The following PCDHA8 variants were observed in gnomAD, a reference collection of about 807,000 sequenced individuals.
PCDHA8 encodes protocadherin alpha 8.
PCDHA8 carries 53 observed loss-of-function variants against 61.8 expected under a neutral mutation model. The ratio of observed to expected loss-of-function variants is 0.86; its 90% CI spans 0.69 to 1.08. The LOEUF (loss-of-function observed/expected upper bound fraction) is 1.08, where lower values mean the gene tolerates loss of function less well. PCDHA8 is among the 50% of genes least tolerant of loss of function. The pLI is 0.00. For synonymous variants in PCDHA8, 618 were observed against 556.6 expected (o/e 1.11, Z -1.55); for missense variants, 1,293 against 1,245.0 (o/e 1.04, Z -0.58).
At chr5:140,871,840 C>G (rs1214510248) in intron 1 of PCDHA8, among the ~76,000 whole-genome samples, 1 of 152,256 alleles carries the variant, frequency 6.6e-6, no homozygotes, top group Admixed American at 6.5e-5. Context: ...CTCTAAACTT[C>G]AATTATGACC....
Position 141,009,658 on chromosome 5 carries a change from C to T in PCDHA8, c.2574C>T (p.Val858=), listed in dbSNP as rs571898721. The T allele has an allele frequency of 6.2e-6, 10 of 1,613,948 alleles. No individual in the cohort carries two copies. Among genetic ancestry groups the T allele is most frequent in the South Asian group, 4.4e-5 (4 of 91,030 alleles). The change falls in exon 4 of 4, where the codon GTC becomes GTT. Residue 858 remains valine, a synonymous_variant. Transcript: ENST00000531613. ...EPEAGEVSPP[V]GAGVNSNSWT... ...AGGCAGGAGAAGTGTCCCCTCCAGT[C>T]GGTGCGGGTGTCAACAGCAACAGCT...
In PCDHA8 at chr5:140,870,260, G is replaced by T. The variant is rs782261095; in HGVS notation, c.2394+26545G>T. The T allele has an allele frequency of 2.0e-5, 32 of 1,614,082 alleles. No individual in the cohort carries two copies. The highest frequency in any genetic ancestry group is 3.3e-4 in the Middle Eastern group (2 of 6,082). On this transcript the variant is annotated intron_variant, in intron 1 of 3. Coordinates refer to ENST00000531613, the MANE Select transcript of PCDHA8 (RefSeq NM_018911.3). ...TCAGGTGTCAACGGACAGGTGACCT[G>T]CTCGCTGACGCCCCACGTTCCCTTC...
chr5:140,905,011 T>A (rs551000720), intron 1 of PCDHA8, among the ~76,000 whole-genome samples: 44 of 152,296 alleles, frequency 2.9e-4, no homozygotes, highest in African/African-American at 1.0e-3. Context: ...CTTTGCTAAT[T>A]CTTTTCTATG....
At chr5:140,979,083 C>T (rs563728648) in intron 2 of PCDHA8, 76 bp downstream of exon 2, 207 of 1,562,578 alleles carry the variant, frequency 1.3e-4, no homozygotes, top group Admixed American at 6.5e-4. Context: ...TCTCCATAGG[C>T]CAGAAGCAGC....
At position 140,951,559 on chromosome 5, in the gene PCDHA8, G is replaced by A. The variant is rs545470803; in HGVS notation, c.2395-27390G>A. On this transcript the variant is annotated intron_variant, in intron 1 of 3. Transcript: ENST00000531613. ...AGCAAGGGACGGGGGGAAGTGCTAC[G>A]CACTTTTAAACAACCAGATTTCACG... 1.6e-4 allele frequency among the ~76,000 whole-genome samples: 25 copies of A among 152,040 alleles called. No individual in the cohort carries two copies. The South Asian group carries it at 5.2e-3, about 32-fold the overall frequency.
At chr5:140,928,471 G>T in intron 1 of PCDHA8, 1 of 1,614,148 alleles carries the variant, frequency 6.2e-7, no homozygotes, top group Non-Finnish European at 8.5e-7. Context: ...CCAAGTAGAA[G>T]GCCGGGATGG....
At chr5:140,943,070 A>G (rs2093413648) in intron 1 of PCDHA8, among the ~76,000 whole-genome samples, 2 of 152,004 alleles carry the variant, frequency 1.3e-5, no homozygotes, top group Non-Finnish European at 2.9e-5. Context: ...CAGCCTGACC[A>G]ACATGGTGAA....
At chr5:140,939,768 G>A (rs1241071492) in intron 1 of PCDHA8, among the ~76,000 whole-genome samples, 1 of 152,162 alleles carries the variant, frequency 6.6e-6, no homozygotes, top group Non-Finnish European at 1.5e-5. Context: ...TAGTATTTCA[G>A]GGTGTGAATG....
rs75101825 is a variant in PCDHA8, at chr5:140,914,430, C to A, written c.2395-64519C>A. On this transcript the variant is annotated intron_variant, in intron 1 of 3. Coordinates refer to ENST00000531613, the MANE Select transcript of PCDHA8 (RefSeq NM_018911.3). ...TTTTGTTTCCATTAGCAAGGAATAT[C>A]TTTTCCCATGTCTTTATTTTCCAGT... Among the ~76,000 whole-genome samples the A allele has an allele frequency of 8.0e-3, 1,215 of 152,204 alleles. 6 individuals carry two copies. Among genetic ancestry groups the A allele is most frequent in the African/African-American group, 0.019 (784 of 41,536 alleles).
intron 1 of PCDHA8, chr5:140,877,907 T>G (rs2057390973): frequency 2.1e-6 from 3 of 1,433,442 alleles, no homozygotes; most frequent in Non-Finnish European, 2.8e-6. Context: ...TATAACTACA[T>G]TCTCTCATTT....
intron 1 of PCDHA8, chr5:140,850,375 A>AT (rs2041561857): frequency 6.3e-7 from 1 of 1,597,746 alleles, no homozygotes; most frequent in Non-Finnish European, 8.6e-7. Context: ...GTGGGGCTGT[A>AT]CACGGGCGAG....
At chr5:140,896,827 T>G (rs1193967071) in intron 1 of PCDHA8, among the ~76,000 whole-genome samples, 1 of 152,214 alleles carries the variant, frequency 6.6e-6, no homozygotes, top group African/African-American at 2.4e-5. Flanking sequence ...TGTTCATAGT[T>G]GTTTTTATTT....
At chr5:141,006,837 TG>T (rs1477008780) in intron 3 of PCDHA8, among the ~76,000 whole-genome samples, 2 of 152,186 alleles carry the variant, frequency 1.3e-5, no homozygotes, top group African/African-American at 4.8e-5. Context: ...TGTAATTTAC[TG>T]AAACTGGAAA....
intron 1 of PCDHA8, chr5:140,926,949 G>C: frequency 3.8e-6 from 6 of 1,592,316 alleles, no homozygotes; most frequent in Non-Finnish European, 5.1e-6. Context: ...GCGCTGCAGC[G>C]GGACAGCTCG....
At chr5:140,883,483 C>T (rs1554178423) in intron 1 of PCDHA8, 2 of 1,614,078 alleles carry the variant, frequency 1.2e-6, no homozygotes, top group African/African-American at 2.7e-5. Flanking sequence ...AGAACTACTA[C>T]TCATTAGTGC....
chr5:141,001,764 G>A (rs1186356180), intron 3 of PCDHA8, among the ~76,000 whole-genome samples: 1 of 152,160 alleles, frequency 6.6e-6, no homozygotes, highest in East Asian at 1.9e-4. Context: ...GATGGCGGAT[G>A]GTTTTTGCCT....
chr5:140,995,388 A>G (rs1467282798), intron 3 of PCDHA8, among the ~76,000 whole-genome samples: 1 of 152,208 alleles, frequency 6.6e-6, no homozygotes. Flanking sequence ...GGCAGGATAA[A>G]GCGGGATGGC....
At chr5:140,886,501 T>C (rs1171128056) in intron 1 of PCDHA8, among the ~76,000 whole-genome samples, 1 of 152,108 alleles carries the variant, frequency 6.6e-6, no homozygotes, top group Non-Finnish European at 1.5e-5. Flanking sequence ...TCTTTTTCCT[T>C]TTATGGATTT....
chr5:140,904,486 C>G (rs1396927518), intron 1 of PCDHA8, among the ~76,000 whole-genome samples: 2 of 151,508 alleles, frequency 1.3e-5, no homozygotes, highest in African/African-American at 2.4e-5. Context: ...TGGTCTGATT[C>G]CAAATTTTTA....
Sources: allele counts gnomAD v4.1 joint callset (sites outside exome capture counted in the v4.1 genomes callset), GRCh38; gene constraint gnomAD v4.1.1; transcripts MANE v1.5; gene names NCBI Gene and HGNC (gene_info 2026-07-23, HGNC 2026-07-21).